MAGI1: variants seen among roughly 807,000 people sequenced by gnomAD.
The protein encoded by MAGI1 is membrane-associated guanylate kinase, WW and PDZ domain-containing protein 1.
In MAGI1, 58 loss-of-function variants were observed where a neutral mutation model predicts 139.9. The observed-to-expected ratio is 0.41, with a 90% confidence interval of 0.34 to 0.52. MAGI1 has a LOEUF of 0.52. Ranked by LOEUF, MAGI1 falls within the 20% of genes least tolerant of loss-of-function variation. MAGI1 has a pLI of 0.12. For synonymous variants in MAGI1, 812 were observed against 737.9 expected (o/e 1.10, Z -1.63); for missense variants, 1,874 against 1,901.6 (o/e 0.99, Z 0.27).
intron 1 of MAGI1, among the ~76,000 whole-genome samples, chr3:65,737,587 G>A (rs554832251): frequency 6.6e-6 from 1 of 152,300 alleles, no homozygotes; most frequent in East Asian, 1.9e-4. Flanking sequence ...GAGCATGGCA[G>A]GTGGTAGCTC....
chr3:66,000,415 C>A (rs920105770), intron 1 of MAGI1, among the ~76,000 whole-genome samples: 4 of 151,912 alleles, frequency 2.6e-5, no homozygotes, highest in Non-Finnish European at 5.9e-5. Context: ...CTTCCTACCC[C>A]AATTAAATTT....
At chr3:65,584,447 C>A (rs901793459) in intron 2 of MAGI1, among the ~76,000 whole-genome samples, 2 of 152,150 alleles carry the variant, frequency 1.3e-5, no homozygotes, top group African/African-American at 4.8e-5. Context: ...TAGACCTGAG[C>A]GATAAGCAGT....
chr3:65,920,247 C>T (rs2062111249), intron 1 of MAGI1, among the ~76,000 whole-genome samples: 1 of 152,138 alleles, frequency 6.6e-6, no homozygotes, highest in Admixed American at 6.5e-5. Flanking sequence ...GTATTTTTTC[C>T]TTCCAGCTAA....
At chr3:65,950,751 T>C (rs1023353436) in intron 1 of MAGI1, among the ~76,000 whole-genome samples, 3 of 152,128 alleles carry the variant, frequency 2.0e-5, no homozygotes, top group African/African-American at 7.2e-5. Context: ...ATGGAAAAGC[T>C]TCCCTTGAAT....
chr3:65,583,309 T>C (rs2081525135), intron 2 of MAGI1, among the ~76,000 whole-genome samples: 1 of 152,138 alleles, frequency 6.6e-6, no homozygotes, highest in African/African-American at 2.4e-5. Context: ...TTCTAACCTA[T>C]GATGACACTA....
intron 1 of MAGI1, among the ~76,000 whole-genome samples, chr3:65,840,676 T>C (rs972039776): frequency 1.3e-5 from 2 of 152,156 alleles, no homozygotes; most frequent in African/African-American, 4.8e-5. Context: ...AAGATACTGT[T>C]AAGGATTTTG....
At chr3:65,990,084 G>T (rs186345422) in intron 1 of MAGI1, among the ~76,000 whole-genome samples, 3 of 152,236 alleles carry the variant, frequency 2.0e-5, no homozygotes, top group African/African-American at 7.2e-5. Flanking sequence ...TGATAATGAA[G>T]AGGATTATCT....
chr3:65,588,717 T>C (rs914268633), intron 2 of MAGI1, among the ~76,000 whole-genome samples: 2 of 152,150 alleles, frequency 1.3e-5, no homozygotes, highest in Non-Finnish European at 2.9e-5. Context: ...TCTACTAAAA[T>C]AAAAGTTCCC....
At chr3:65,401,536 CT>C (rs1944895723) in intron 12 of MAGI1, 66 bp from the exon 13 acceptor site, 1 of 1,582,442 alleles carries the variant, frequency 6.3e-7, no homozygotes, top group African/African-American at 1.3e-5. Context: ...TTACCTTTTC[CT>C]TAAAGAACAA....
chr3:65,803,936 T>C (rs1295407951), intron 1 of MAGI1, among the ~76,000 whole-genome samples: 1 of 152,040 alleles, frequency 6.6e-6, no homozygotes, highest in Non-Finnish European at 1.5e-5. Context: ...ATAACACGAG[T>C]GCTTCAACAA....
chr3:66,013,407 A>AAAAAAAAAAAAAAG (rs1560110644), intron 1 of MAGI1, among the ~76,000 whole-genome samples: 2 of 34,566 alleles, frequency 5.8e-5, no homozygotes, highest in East Asian at 9.3e-3. Context: ...TGTCTCAAAT[A>AAAAAAAAAAAAAAG]AAAAAAAAAA....
At chr3:65,747,525 A>T (rs775376113) in intron 1 of MAGI1, among the ~76,000 whole-genome samples, 4 of 152,216 alleles carry the variant, frequency 2.6e-5, no homozygotes, top group Non-Finnish European at 4.4e-5. Flanking sequence ...TTTTAAATGA[A>T]TTAATACACA....
chr3:65,836,028 G>A (rs1459385977), intron 1 of MAGI1, among the ~76,000 whole-genome samples: 1 of 152,146 alleles, frequency 6.6e-6, no homozygotes, highest in Non-Finnish European at 1.5e-5. Context: ...AGGACCCAAT[G>A]TCAAGGCACA....
chr3:65,439,116 T>C (rs545469611), intron 9 of MAGI1, among the ~76,000 whole-genome samples: 1 of 152,274 alleles, frequency 6.6e-6, no homozygotes, highest in East Asian at 1.9e-4. Flanking sequence ...CCAGAGTATC[T>C]AGTAATAAAC....
At chr3:65,506,801 T>C (rs1322962984) in intron 2 of MAGI1, among the ~76,000 whole-genome samples, 1 of 152,148 alleles carries the variant, frequency 6.6e-6, no homozygotes, top group Non-Finnish European at 1.5e-5. Context: ...GCAAATATTA[T>C]ATAACTAGAT....
intron 1 of MAGI1, among the ~76,000 whole-genome samples, chr3:65,722,730 G>A (rs948786486): frequency 1.3e-5 from 2 of 149,998 alleles, no homozygotes; most frequent in Middle Eastern, 3.2e-3. Flanking sequence ...TAAAATATTA[G>A]TGTGACATGA....
chr3:65,758,049 G>T (rs1021257112), intron 1 of MAGI1, among the ~76,000 whole-genome samples: 3 of 152,110 alleles, frequency 2.0e-5, no homozygotes, highest in African/African-American at 7.2e-5. Context: ...GAGCTCTAAG[G>T]CACCTCAAAT....
At chr3:65,716,412 A>G (rs1441863904) in intron 1 of MAGI1, among the ~76,000 whole-genome samples, 2 of 152,182 alleles carry the variant, frequency 1.3e-5, no homozygotes, top group Non-Finnish European at 2.9e-5. Context: ...TCCATCTAGG[A>G]TAGATTTATC....
At chr3:65,419,358 G>A (rs1291210076) in intron 12 of MAGI1, among the ~76,000 whole-genome samples, 1 of 151,996 alleles carries the variant, frequency 6.6e-6, no homozygotes, top group Non-Finnish European at 1.5e-5. Flanking sequence ...CATAAAAAAG[G>A]ACTTATCTTC....
Sources: allele counts gnomAD v4.1 joint callset (sites outside exome capture counted in the v4.1 genomes callset), GRCh38; gene constraint gnomAD v4.1.1; transcripts MANE v1.5; gene names NCBI Gene and HGNC (gene_info 2026-07-23, HGNC 2026-07-21).